The following PCSK7 variants were observed in gnomAD, a reference collection of about 807,000 sequenced individuals.
The protein encoded by PCSK7 is proprotein convertase subtilisin/kexin type 7.
In PCSK7, 38 loss-of-function variants were observed where a neutral mutation model predicts 73.3. The observed-to-expected ratio is 0.52, with a 90% confidence interval of 0.40 to 0.68. The LOEUF (loss-of-function observed/expected upper bound fraction) is 0.68, where lower values mean the gene tolerates loss of function less well. Among genes scored for constraint, PCSK7 ranks in the 30% least tolerant of loss-of-function variants. The pLI is 0.00. For synonymous variants in PCSK7, 296 were observed against 383.8 expected, an observed-to-expected ratio of 0.77 and a Z score of 2.68; for missense variants, 692 against 991.5, an observed-to-expected ratio of 0.70 and a Z score of 4.06.
chr11:117,228,335 G>T lies in PCSK7; in HGVS notation c.484C>A (p.Pro162Thr). 6.2e-7 allele frequency: 1 copy of T among 1,614,020 alleles called. No individual in the cohort carries two copies. The highest frequency in any genetic ancestry group is 8.5e-7 in the Non-Finnish European group (1 of 1,179,910). The change falls in exon 4 of 17, where the codon CCG becomes ACG. Residue 162 changes from proline (P) to threonine (T), a missense_variant. By Grantham distance (38) the Pro-to-Thr change is conservative. Around this residue, in one of 6 missense-constraint regions of PCSK7, gnomAD observed 574 missense variants for 689.8 expected, o/e 0.83. Transcript: ENST00000320934. The stretch of plus-strand genomic sequence containing the variant: ...CCCGTCACGTTGATGTCCCTGCCCG[G>T]GCTCCGTCGGTTATTCTGTAAGAGA... Reference protein sequence around the residue: ...QQWHLNNRRSPGRDINVTGVW... With the variant: ...QQWHLNNRRSTGRDINVTGVW...
rs201575381 is a variant in PCSK7, at chr11:117,206,979, C to T, written c.1880+88G>A. The T allele has an allele frequency of 4.2e-3, 6,199 of 1,462,984 alleles. 1 individual carries two copies. The East Asian group carries it at 0.049, about 12-fold the overall frequency. The allele number at this position is 1,462,984 out of a possible 1,614,324, so 90.6% of individuals were successfully genotyped here. ...CCGGCTTGACGCTGGAACTGGGAAG[C>T]ACAGCTGGGGTTCAGAGGGCGATGG... On this transcript the variant is annotated intron_variant, in intron 15 of 16. Transcript: ENST00000320934.
At position 117,224,732 on chromosome 11, in the gene PCSK7, T is replaced by C; in HGVS notation, c.884A>G (p.Lys295Arg). The C allele has an allele frequency of 6.2e-7, 1 of 1,613,754 alleles. No homozygotes were observed. Among genetic ancestry groups the C allele is most frequent in the South Asian group, 1.1e-5 (1 of 91,062 alleles). The change falls in exon 7 of 17, where the codon AAG (lysine) becomes AGG (arginine). Residue 295 changes from lysine (K) to arginine (R), a missense_variant. Physicochemically the swap from Lys to Arg is conservative, Grantham distance 26. Coordinates refer to ENST00000320934, the MANE Select transcript of PCSK7 (RefSeq NM_004716.4). ...SCSWGPDDDGKTVDGPHQLGK... is the reference protein window; with the variant it reads ...SCSWGPDDDGRTVDGPHQLGK... ...AAGCTGATGGGGGCCATCCACTGTCTTCCCATCGTCATCTGGTCCCCAGCT... is the reference window on the plus strand; with the variant it reads ...AAGCTGATGGGGGCCATCCACTGTCCTCCCATCGTCATCTGGTCCCCAGCT...
At position 117,227,237 on chromosome 11, in the gene PCSK7, G is replaced by A. The variant is rs1169912058; in HGVS notation, c.689C>T (p.Thr230Met). ...AGCCGCGATCTCTCCTGCACATCGC[G>A]TGCCATGGTGGTTGCCATTCTCCAC... ...PDVENGNHHG[T>M]RCAGEIAAVP... Residue 230 changes from threonine to methionine, a missense_variant, in exon 5 of 17, where the codon ACG becomes ATG. This residue lies in a region of PCSK7 where 574 missense variants were observed against 689.8 expected (regional missense o/e 0.83). Coordinates refer to ENST00000320934, the MANE Select transcript of PCSK7 (RefSeq NM_004716.4). 5 of 1,613,816 alleles carry A rather than the reference G, an allele frequency of 3.1e-6. No individual in the cohort carries two copies. The highest frequency in any genetic ancestry group is 4.2e-6 in the Non-Finnish European group (5 of 1,179,790).
chr11:117,225,875 C>T lies in PCSK7; in HGVS notation c.860+56G>A, dbSNP rs7939361. The T allele has an allele frequency of 2.3e-5, 27 of 1,153,252 alleles. 1 individual carries two copies. The highest frequency in any genetic ancestry group is 4.4e-4 in the Middle Eastern group (2 of 4,514). The allele number at this position is 1,153,252 out of a possible 1,614,324, so 71.4% of individuals were successfully genotyped here. ...AGCCCACTGGTTGGGATTTTGTTGG[C>T]GGATTTGTCCCAGGTGCTCCAGGCT... On this transcript the variant is annotated intron_variant, in intron 6 of 16. Coordinates refer to ENST00000320934, the MANE Select transcript of PCSK7 (RefSeq NM_004716.4).
chr11:117,213,993 G>T lies in PCSK7; in HGVS notation c.1534+4473C>A, dbSNP rs1338446408. On this transcript the variant is annotated intron_variant, in intron 12 of 16. Coordinates refer to ENST00000320934, the MANE Select transcript of PCSK7 (RefSeq NM_004716.4). The stretch of plus-strand genomic sequence containing the variant: ...TTTTTTTTTAGACGGAGTCTTGCTC[G>T]GTCACCAGGCTGCAGTGCAGTGGCA... The T allele has an allele frequency of 2.4e-5, 3 of 124,604 alleles. No homozygotes were observed. In the South Asian group the frequency reaches 7.6e-4, roughly 32 times the overall value. 7.7% of individuals were successfully genotyped at this position (124,604 alleles called of 1,614,324 possible).
chr11:117,228,144 G>T, intron 4 of PCSK7, 72 bp downstream of exon 4: 1 of 1,483,308 alleles, frequency 6.7e-7, no homozygotes, highest in South Asian at 1.2e-5. Flanking sequence ...TAGAAAAGGG[G>T]ACAAGACTGA....
At chr11:117,223,414 G>C (rs961179416) in intron 8 of PCSK7, 106 bp from the exon 9 acceptor site, 1 of 731,824 alleles carries the variant, frequency 1.4e-6, no homozygotes, top group African/African-American at 1.7e-5. Context: ...GGGCTGTCCT[G>C]AGTTTGAAAC....
chr11:117,215,407 C>CACTTTTT (rs1178049660), intron 12 of PCSK7: 1 of 58,798 alleles, frequency 1.7e-5, no homozygotes, highest in Non-Finnish European at 2.7e-5. Flanking sequence ...TATATATATA[C>CACTTTTT]TTTTTTTTTT....
chr11:117,223,509 C>T (rs1180733301), intron 8 of PCSK7: 12 of 577,252 alleles, frequency 2.1e-5, no homozygotes, highest in Admixed American at 6.0e-5. Context: ...CATTCTGTGC[C>T]GCAATACCAT....
rs12288538 is a variant in PCSK7 at position 117,224,036 on chromosome 11, C to T, written c.1054+42G>A. The T allele has an allele frequency of 4.4e-5, 70 of 1,603,078 alleles. No homozygotes were observed. The African/African-American group carries it at 7.6e-4, about 17-fold the overall frequency. ...CAAGACGTGTGATGCCCTAACCCTTCGGTGACACACACACAGGAGCACAGA... is the reference window on the plus strand; with the variant it reads ...CAAGACGTGTGATGCCCTAACCCTTTGGTGACACACACACAGGAGCACAGA... On this transcript the variant is annotated intron_variant, in intron 8 of 16. Transcript: ENST00000320934.
In PCSK7 at chr11:117,218,414, C is replaced by T; in HGVS notation, c.1534+52G>A. 1.0e-6 allele frequency: 1 copy of T among 993,418 alleles called. No individual in the cohort carries two copies. Among genetic ancestry groups the T allele is most frequent in the Non-Finnish European group, 1.5e-6 (1 of 675,852 alleles). 61.5% of individuals were successfully genotyped at this position (993,418 alleles called of 1,614,324 possible). On this transcript the variant is annotated intron_variant, in intron 12 of 16. Transcript: ENST00000320934. The surrounding 1 kb of genome is among the most constrained non-coding windows in gnomAD (Gnocchi z 4.0). ...AGGACGAGTTTAACTTCCTTGTCAC[C>T]CGGCCCCAAACCTCAGGCCTAAGAT...
chr11:117,227,742 C>T (rs1331489406), intron 4 of PCSK7, among the ~76,000 whole-genome samples: 5 of 152,110 alleles, frequency 3.3e-5, no homozygotes, highest in Admixed American at 3.3e-4. Flanking sequence ...CGCCCGGACC[C>T]AATAAGCCCA....
intron 12 of PCSK7, chr11:117,215,406 A>ATATATT (rs1555044281): frequency 3.7e-5 from 2 of 54,592 alleles, no homozygotes; most frequent in Admixed American, 2.0e-4. Flanking sequence ...ATATATATAT[A>ATATATT]CTTTTTTTTT....
At chr11:117,210,446 C>T (rs1247510668) in intron 12 of PCSK7, 1 of 150,868 alleles carries the variant, frequency 6.6e-6, no homozygotes, top group Non-Finnish European at 1.5e-5. Flanking sequence ...GCAACCTCTG[C>T]CTTCTGGGTT....
chr11:117,208,929 C>A lies in PCSK7; in HGVS notation c.1659G>T (p.Met553Ile), dbSNP rs143274563. 1 of 1,612,890 alleles carries A rather than the reference C, an allele frequency of 6.2e-7. No homozygotes were observed. The highest frequency in any genetic ancestry group is 1.3e-5 in the African/African-American group (1 of 74,920). Residue 553 changes from methionine (M) to isoleucine (I), a missense_variant, in exon 13 of 17, where the codon ATG (methionine) becomes ATT (isoleucine). Around this residue, in one of 6 missense-constraint regions of PCSK7, gnomAD observed 20 missense variants for 32.1 expected, o/e 0.62. Coordinates refer to ENST00000320934, the MANE Select transcript of PCSK7 (RefSeq NM_004716.4). ...ELKLFCPSGM[M>I]SLIGAPRSMD... ...TGCTGCGGGGGGCGCCGATGAGGGA[C>A]ATCATGCCACTGGGGCAGAACAGCT...
chr11:117,223,002 A>G (rs1053232811), intron 9 of PCSK7: 11 of 560,790 alleles, frequency 2.0e-5, no homozygotes, highest in Middle Eastern at 4.8e-4. Flanking sequence ...CCAAATTTCT[A>G]AGATAAAAGC....
chr11:117,213,631 C>T (rs2031825479), intron 12 of PCSK7: 1 of 152,184 alleles, frequency 6.6e-6, no homozygotes, highest in Non-Finnish European at 1.5e-5. Context: ...CGTTATGGAA[C>T]AGAATAGAAT....
chr11:117,228,490 CAG>C, intron 3 of PCSK7, 140 bp from the exon 4 acceptor site: 1 of 697,678 alleles, frequency 1.4e-6, no homozygotes, highest in Non-Finnish European at 2.5e-6. Context: ...CAGGTGGGAA[CAG>C]AGTCAAGGAG....
In PCSK7 at chr11:117,219,697, G is replaced by A; in HGVS notation, c.1217C>T (p.Ser406Leu). Residue 406 changes from serine (S) to leucine (L), a missense_variant, in exon 10 of 17, where the codon TCA (serine) becomes TTA (leucine). Physicochemically the swap from Ser to Leu is moderately radical, Grantham distance 145. Coordinates refer to ENST00000320934, the MANE Select transcript of PCSK7 (RefSeq NM_004716.4). ...TGCTEGHTGT[S>L]AAAPLAAGMI... ...GCCAGCTGCCAGAGGCGCTGCAGCT[G>A]AGGTCCCTGTGTGGCCCTCAGTGCA... is the stretch of plus-strand genomic sequence containing the variant. 1 of 1,611,762 alleles carries A rather than the reference G, an allele frequency of 6.2e-7. No individual in the cohort carries two copies. Among genetic ancestry groups the A allele is most frequent in the Non-Finnish European group, 8.5e-7 (1 of 1,179,090 alleles).
Sources: allele counts gnomAD v4.1 joint callset (sites outside exome capture counted in the v4.1 genomes callset), GRCh38; gene constraint gnomAD v4.1.1; regional missense constraint gnomAD v4.1.1; non-coding constraint Gnocchi (gnomAD v3.1); transcripts MANE v1.5; gene names NCBI Gene and HGNC (gene_info 2026-07-23, HGNC 2026-07-21).